Variants in RNF38 observed in about 807,000 individuals in gnomAD.
RNF38 encodes the protein ring finger protein 38.
In RNF38, 15 loss-of-function variants were observed where a neutral mutation model predicts 67.2. That is an observed-to-expected ratio of 0.22 (90% CI 0.15 to 0.34). The LOEUF is 0.34. Ranked by LOEUF, RNF38 falls within the 10% of genes least tolerant of loss-of-function variation. The pLI is 1.00. For missense variants in RNF38, 524 were observed against 639.9 expected, an observed-to-expected ratio of 0.82 and a Z score of 1.95; for synonymous variants, 220 against 218.8, an observed-to-expected ratio of 1.01 and a Z score of -0.05.
intron 2 of RNF38, among the ~76,000 whole-genome samples, chr9:36,378,671 GA>G (rs1835969640): frequency 6.6e-6 from 1 of 152,122 alleles, no homozygotes; most frequent in East Asian, 1.9e-4. Context: ...AATGACCAGA[GA>G]AAGCCCTTAG....
intron 1 of RNF38, among the ~76,000 whole-genome samples, chr9:36,470,089 C>G (rs1275065150): frequency 6.6e-6 from 1 of 152,154 alleles, no homozygotes; most frequent in Non-Finnish European, 1.5e-5. Flanking sequence ...CAGAACACAC[C>G]CTGCCCTTCA....
chr9:36,413,922 C>A (rs962704358), intron 2 of RNF38, among the ~76,000 whole-genome samples: 7 of 152,132 alleles, frequency 4.6e-5, no homozygotes, highest in Non-Finnish European at 1.0e-4. Context: ...GTGTTAAATG[C>A]AAATATATTT....
At chr9:36,362,404 A>C (rs1406180407) in intron 4 of RNF38, among the ~76,000 whole-genome samples, 2 of 151,646 alleles carry the variant, frequency 1.3e-5, no homozygotes, top group Non-Finnish European at 2.9e-5. Context: ...CAGAAACTTC[A>C]TTGTAAAATA....
In RNF38 at chr9:36,372,865, C is replaced by T. The variant is rs140660070; in HGVS notation, c.357-2933G>A. 2.6e-5 allele frequency among the ~76,000 whole-genome samples: 4 copies of T among 152,238 alleles called. No individual in the cohort carries two copies. The East Asian group carries it at 5.8e-4, about 22-fold the overall frequency. Reference sequence around the variant, plus strand: ...CTTACATCCTAATGAAACTTTTGCACATGTACACAGAGAAATGCACACACA... The same window carrying T: ...CTTACATCCTAATGAAACTTTTGCATATGTACACAGAGAAATGCACACACA... On this transcript the variant is annotated intron_variant, in intron 3 of 11. Coordinates refer to ENST00000259605, the MANE Select transcript of RNF38 (RefSeq NM_022781.5).
At chr9:36,460,906 AG>A (rs1437711344) in intron 1 of RNF38, among the ~76,000 whole-genome samples, 2,075 of 136,646 alleles carry the variant, frequency 0.015, 54 homozygotes, top group African/African-American at 0.051. Flanking sequence ...AAAAAAAAAA[AG>A]AAAGAAAGAA....
chr9:36,381,831 T>C (rs1409238507), intron 2 of RNF38, among the ~76,000 whole-genome samples: 1 of 152,230 alleles, frequency 6.6e-6, no homozygotes, highest in Non-Finnish European at 1.5e-5. Flanking sequence ...TACATTTCCT[T>C]GGGACCTCCT....
intron 1 of RNF38, among the ~76,000 whole-genome samples, chr9:36,432,256 T>C (rs1396251835): frequency 6.6e-6 from 1 of 151,968 alleles, no homozygotes; most frequent in Non-Finnish European, 1.5e-5. Context: ...TGCCTCAGCC[T>C]CCCAAGTAGC....
chr9:36,436,073 A>G (rs1839058981), intron 1 of RNF38, among the ~76,000 whole-genome samples: 1 of 152,194 alleles, frequency 6.6e-6, no homozygotes, highest in Non-Finnish European at 1.5e-5. Context: ...TAAGCTTCCT[A>G]TATGAGGCTA....
rs116659011 is a variant in RNF38 at position 36,363,487 on chromosome 9, G to A, written c.571-5545C>T. On this transcript the variant is annotated intron_variant, in intron 4 of 11. Transcript: ENST00000259605. ...TCTTTTTAATTTTGGCCCTCAAAAT[G>A]TCATGTTTTCATTTGGTCACCCAAC... 4.1e-3 allele frequency among the ~76,000 whole-genome samples: 409 copies of A among 100,718 alleles called. 98 individuals carry two copies. The highest frequency in any genetic ancestry group is 0.017 in the Middle Eastern group (4 of 232). 66.1% of individuals were successfully genotyped at this position (100,718 alleles called of 152,430 possible). A position where few individuals can be genotyped will look rare whatever the true frequency, so the allele number is the denominator to read the frequency against.
At chr9:36,401,271 C>G, upstream of RNF38, 1 of 980,418 alleles carries the variant, frequency 1.0e-6, no homozygotes, top group Non-Finnish European at 1.2e-6. Context: ...CAACAGAGCT[C>G]CGCGCGCAGC....
chr9:36,357,741 G>C (rs1192603048), intron 5 of RNF38, 34 bp downstream of exon 5: 1 of 1,586,176 alleles, frequency 6.3e-7, no homozygotes. Flanking sequence ...GTGCTTAATA[G>C]TAATATCTAA....
intron 6 of RNF38, among the ~76,000 whole-genome samples, chr9:36,355,658 A>G (rs1834045969): frequency 6.6e-6 from 1 of 152,206 alleles, no homozygotes; most frequent in Non-Finnish European, 1.5e-5. Context: ...CAATACAACT[A>G]AAAACTTTTC....
At chr9:36,399,493 A>T (rs1020846841) in intron 1 of RNF38, among the ~76,000 whole-genome samples, 1 of 146,430 alleles carries the variant, frequency 6.8e-6, no homozygotes, top group Non-Finnish European at 1.5e-5. Context: ...AAATATATAT[A>T]ATATATTATA....
rs773217861 is a variant in RNF38, at chr9:36,474,706, A to G, written n.241+12602T>C. ...ATGAATTAATCCACATAAAATACTTAGAATAGAACCTTAAATAATAAGCAC... is the reference window on the plus strand; with the variant it reads ...ATGAATTAATCCACATAAAATACTTGGAATAGAACCTTAAATAATAAGCAC... On this transcript the variant is annotated intron_variant and non_coding_transcript_variant, in intron 1 of 3. Transcript: ENST00000488058. Among the ~76,000 whole-genome samples, 45 of 148,648 alleles carry G rather than the reference A, an allele frequency of 3.0e-4. 5 individuals are homozygous for G. Among genetic ancestry groups the G allele is most frequent in the East Asian group, 6.6e-4 (3 of 4,550 alleles).
chr9:36,391,666 G>A (rs913329910), intron 1 of RNF38, among the ~76,000 whole-genome samples: 5 of 145,282 alleles, frequency 3.4e-5, no homozygotes, highest in Non-Finnish European at 7.5e-5. Context: ...AGGCTGGAGT[G>A]CAGTGGTGCC....
At chr9:36,487,368 G>C in exon 1 of RNF38, 1 of 984,110 alleles carries the variant, frequency 1.0e-6, no homozygotes, top group Non-Finnish European at 1.2e-6. Flanking sequence ...AGAGGCCCGT[G>C]GCCCGGAGGG....
rs1832681609 is a variant in RNF38 at position 36,339,364 on chromosome 9, T to C, written c.*388A>G. ...GCTGCGCATTCATTTCCACTCACAG[T>C]TTCTGAAGGCTCTATATAAGGTAGA... On this transcript the variant is annotated 3_prime_UTR_variant, in exon 12 of 12. Coordinates refer to ENST00000259605, the MANE Select transcript of RNF38 (RefSeq NM_022781.5). 5.4e-6 allele frequency: 1 copy of C among 185,112 alleles called. No individual in the cohort carries two copies. Among genetic ancestry groups the C allele is most frequent in the Admixed American group, 5.5e-5 (1 of 18,318 alleles). The allele number at this position is 185,112 out of a possible 1,614,324, so 11.5% of individuals were successfully genotyped here.
chr9:36,485,876 A>T (rs1840397892), intron 1 of RNF38, among the ~76,000 whole-genome samples: 1 of 152,134 alleles, frequency 6.6e-6, no homozygotes, highest in Non-Finnish European at 1.5e-5. Context: ...TTAGAACAAG[A>T]GCGAGAATGA....
intron 1 of RNF38, among the ~76,000 whole-genome samples, chr9:36,459,599 T>C (rs150123666): frequency 5.3e-4 from 80 of 152,264 alleles, no homozygotes; most frequent in African/African-American, 1.8e-3. Context: ...CCTGGATATG[T>C]GAGTGTGCAA....
Sources: gnomAD v4.1 joint callset for allele counts (sites outside exome capture counted in the v4.1 genomes callset) on GRCh38, gnomAD v4.1.1 for gene constraint, MANE v1.5 for transcripts, NCBI Gene and HGNC (gene_info 2026-07-23, HGNC 2026-07-21) for gene names.